PALS2: variants seen among roughly 807,000 people sequenced by gnomAD.
PALS2 encodes protein associated with LIN7 2, MAGUK p55 family member, also known as protein PALS2.
A neutral mutation model predicts 61.6 loss-of-function variants in PALS2; 27 were observed. That is an observed-to-expected ratio of 0.44 (90% CI 0.32 to 0.60). The LOEUF is 0.60. Ranked by LOEUF, PALS2 falls within the 20% of genes least tolerant of loss-of-function variation. The probability of loss-of-function intolerance (pLI) is 0.05; values close to 1 mark genes in which losing one functional copy is unlikely to be tolerated. For missense variants in PALS2, 554 were observed against 639.4 expected (o/e 0.87, Z 1.44); for synonymous variants, 236 against 218.6 (o/e 1.08, Z -0.70).
At chr7:24,656,139 T>C (rs1487054517) in intron 5 of PALS2, among the ~76,000 whole-genome samples, 1 of 152,184 alleles carries the variant, frequency 6.6e-6, no homozygotes, top group Non-Finnish European at 1.5e-5. Flanking sequence ...AAATGCAGAT[T>C]CAGATGGGCC....
chr7:24,647,268 TC>T (rs1785889343), intron 3 of PALS2, among the ~76,000 whole-genome samples: 1 of 152,098 alleles, frequency 6.6e-6, no homozygotes, highest in African/African-American at 2.4e-5. Flanking sequence ...TGCCTCAGCC[TC>T]CCAAGTAGCT....
intron 9 of PALS2, among the ~76,000 whole-genome samples, chr7:24,678,771 A>G (rs1475400968): frequency 2.0e-5 from 3 of 152,220 alleles, no homozygotes; most frequent in African/African-American, 4.8e-5. Context: ...TTTAAGAAGC[A>G]TATTTTTGGA....
intron 2 of PALS2, among the ~76,000 whole-genome samples, chr7:24,625,601 A>T (rs1320257663): frequency 4.6e-5 from 7 of 152,140 alleles, no homozygotes; most frequent in Non-Finnish European, 1.5e-5. Context: ...GGGTATGTGT[A>T]TGTTTGTGTA....
intron 11 of PALS2, 23 bp downstream of exon 11, chr7:24,680,543 C>T: frequency 6.3e-7 from 1 of 1,594,880 alleles, no homozygotes; most frequent in Non-Finnish European, 8.5e-7. Flanking sequence ...TACGATTTTC[C>T]TTCTAAAATC....
At chr7:24,607,462 A>G (rs1186246495) in intron 1 of PALS2, among the ~76,000 whole-genome samples, 1 of 148,416 alleles carries the variant, frequency 6.7e-6, no homozygotes, top group Non-Finnish European at 1.5e-5. Flanking sequence ...ATGTATGTGT[A>G]TCTCTCTCTC....
At chr7:24,663,865 T>G in intron 6 of PALS2, 144 bp downstream of exon 6, 1 of 1,065,896 alleles carries the variant, frequency 9.4e-7, no homozygotes, top group Non-Finnish European at 1.4e-6. Context: ...TGGCTACTAA[T>G]TTTGTGGACA....
chr7:24,687,269 GA>G lies in PALS2; in HGVS notation c.1447-167del, dbSNP rs1303152488. On this transcript the variant is annotated intron_variant, in intron 11 of 11. Coordinates refer to ENST00000222644, the MANE Select transcript of PALS2 (RefSeq NM_001303037.2). This position sits in a 1 kb window ranked among gnomAD's most constrained non-coding sequence, Gnocchi z 4.5. Reference sequence around the variant, plus strand: ...AGTGTTGTTGGAAAGAATAAGACATGAACAGATGGCAGTGTTGTCTTTAACA... The same window carrying G: ...AGTGTTGTTGGAAAGAATAAGACATGACAGATGGCAGTGTTGTCTTTAACA... Among the ~76,000 whole-genome samples the G allele has an allele frequency of 6.6e-6, 1 of 151,144 alleles. No homozygotes were observed. Among genetic ancestry groups the G allele is most frequent in the Non-Finnish European group, 1.5e-5 (1 of 68,014 alleles).
chr7:24,594,504 T>C (rs1341104695), intron 1 of PALS2, among the ~76,000 whole-genome samples: 1 of 152,132 alleles, frequency 6.6e-6, no homozygotes, highest in African/African-American at 2.4e-5. Flanking sequence ...AGTGAGAGAC[T>C]TGCTCCTCTT....
intron 2 of PALS2, among the ~76,000 whole-genome samples, chr7:24,629,576 G>C (rs1784904090): frequency 6.6e-6 from 1 of 152,012 alleles, no homozygotes; most frequent in Non-Finnish European, 1.5e-5. Context: ...AATTTTGCAA[G>C]CTATCCGTCT....
At chr7:24,662,768 GAAAAAAAA>G (rs59367702) in intron 5 of PALS2, among the ~76,000 whole-genome samples, 9,372 of 100,814 alleles carry the variant, frequency 0.093, 206 homozygotes, top group Admixed American at 0.16. Flanking sequence ...GACTCCATCT[GAAAAAAAA>G]AAAAAAAAAA....
At chr7:24,608,926 T>C (rs1489806680) in intron 1 of PALS2, among the ~76,000 whole-genome samples, 1 of 152,174 alleles carries the variant, frequency 6.6e-6, no homozygotes. Flanking sequence ...GATTTAAATT[T>C]GACAATAATG....
chr7:24,632,328 A>G (rs1214023354), intron 2 of PALS2, among the ~76,000 whole-genome samples: 2 of 152,140 alleles, frequency 1.3e-5, no homozygotes, highest in Non-Finnish European at 2.9e-5. Context: ...TAATCTCTCT[A>G]TATCTTTGTA....
intron 11 of PALS2, among the ~76,000 whole-genome samples, chr7:24,680,927 C>T (rs1316249692): frequency 6.6e-6 from 1 of 152,208 alleles, no homozygotes; most frequent in Non-Finnish European, 1.5e-5. Flanking sequence ...ATGAAATAAA[C>T]ATGCTATATA....
intron 9 of PALS2, among the ~76,000 whole-genome samples, chr7:24,673,195 T>TATTGCATTC: frequency 6.6e-6 from 1 of 152,334 alleles, no homozygotes; most frequent in South Asian, 2.1e-4. Flanking sequence ...TGATAGGATG[T>TATTGCATTC]ATTGCATTCA....
intron 11 of PALS2, among the ~76,000 whole-genome samples, chr7:24,684,872 T>C (rs1788113370): frequency 6.6e-6 from 1 of 152,208 alleles, no homozygotes. Flanking sequence ...TATATCTGTA[T>C]TAACAATATG....
At chr7:24,672,832 A>G (rs186221422) in intron 9 of PALS2, among the ~76,000 whole-genome samples, 1 of 152,278 alleles carries the variant, frequency 6.6e-6, no homozygotes, top group Admixed American at 6.5e-5. Flanking sequence ...ATACAAAATC[A>G]TGTCATCTGC....
Position 24,618,976 on chromosome 7 carries a change from G to C in PALS2, c.-2-4690G>C, listed in dbSNP as rs555158622. 6.6e-6 allele frequency among the ~76,000 whole-genome samples: 1 copy of C among 152,166 alleles called. No individual in the cohort carries two copies. The highest frequency in any genetic ancestry group is 1.5e-5 in the Non-Finnish European group (1 of 68,018). On this transcript the variant is annotated intron_variant, in intron 1 of 11. Coordinates refer to ENST00000222644, the MANE Select transcript of PALS2 (RefSeq NM_001303037.2). The surrounding 1 kb of genome is among the most constrained non-coding windows in gnomAD (Gnocchi z 5.1). ...TTCGTGTCTTGTCTTTTTTTGATTA[G>C]ACTAGCCAAGTATTTGTCTATTTAA... is the stretch of plus-strand genomic sequence containing the variant.
chr7:24,656,858 A>T (rs1241221343), intron 5 of PALS2, among the ~76,000 whole-genome samples: 3 of 151,974 alleles, frequency 2.0e-5, no homozygotes, highest in Non-Finnish European at 4.4e-5. Flanking sequence ...TCCACTTCTC[A>T]TTCTTCCCTC....
chr7:24,640,216 T>C (rs1366146632), intron 2 of PALS2, among the ~76,000 whole-genome samples: 5 of 152,140 alleles, frequency 3.3e-5, no homozygotes. Context: ...TTCTTCTTTC[T>C]CGGTATTTCA....
Sources: gnomAD v4.1 joint callset for allele counts (sites outside exome capture counted in the v4.1 genomes callset) on GRCh38, gnomAD v4.1.1 for gene constraint, Gnocchi (gnomAD v3.1) non-coding constraint, MANE v1.5 for transcripts, NCBI Gene and HGNC (gene_info 2026-07-23, HGNC 2026-07-21) for gene names.